Variants in HAAO observed in about 807,000 individuals in gnomAD.
HAAO encodes 3-hydroxyanthranilate oxygenase.
A neutral mutation model predicts 46.2 loss-of-function variants in HAAO; 49 were observed. The observed-to-expected ratio is 1.06, with a 90% CI of 0.84 to 1.34. The LOEUF (loss-of-function observed/expected upper bound fraction) is 1.34. Ranked by LOEUF, HAAO falls within the 40% of genes most tolerant of loss-of-function variation. HAAO has a pLI of 0.00. For missense variants in HAAO, 408 were observed against 364.5 expected (o/e 1.12, Z -0.97); for synonymous variants, 157 against 145.2 (o/e 1.08, Z -0.58).
In HAAO at chr2:42,770,595, A is replaced by G; in HGVS notation, c.351-13T>C. On this transcript the variant is annotated splice_polypyrimidine_tract_variant and intron_variant, in intron 4 of 9. Coordinates refer to ENST00000294973, the MANE Select transcript of HAAO (RefSeq NM_012205.3). ...GCCCACATAGTACCTGCCAGAGCAG[A>G]GGACAGGCAACCCTGCTGTCCCCAT... is the stretch of plus-strand genomic sequence containing the variant. The G allele has an allele frequency of 6.5e-7, 1 of 1,533,878 alleles. No individual in the cohort carries two copies. Among genetic ancestry groups the G allele is most frequent in the Non-Finnish European group, 8.8e-7 (1 of 1,133,776 alleles).
At chr2:42,767,720 C>T in intron 8 of HAAO, 43 bp from the exon 9 acceptor site, 1 of 1,551,340 alleles carries the variant, frequency 6.4e-7, no homozygotes, top group Non-Finnish European at 8.8e-7. Context: ...ACTGTTGGGC[C>T]TCATCACCTG....
At chr2:42,779,137 G>C (rs1469011905) in intron 4 of HAAO, among the ~76,000 whole-genome samples, 1 of 151,972 alleles carries the variant, frequency 6.6e-6, no homozygotes, top group Non-Finnish European at 1.5e-5. Flanking sequence ...AATAAGTTCA[G>C]TTTCTCTATA....
chr2:42,775,196 G>A (rs1007787581), intron 4 of HAAO, among the ~76,000 whole-genome samples: 6 of 142,326 alleles, frequency 4.2e-5, no homozygotes, highest in Non-Finnish European at 7.5e-5. Flanking sequence ...GCAGTGAGCC[G>A]AGATTGCACC....
intron 4 of HAAO, among the ~76,000 whole-genome samples, chr2:42,771,128 G>A (rs1671078385): frequency 6.6e-6 from 1 of 152,124 alleles, no homozygotes; most frequent in African/African-American, 2.4e-5. Flanking sequence ...TGTAATCCCA[G>A]CACTTTGGGA....
intron 4 of HAAO, among the ~76,000 whole-genome samples, chr2:42,773,092 C>T (rs192764667): frequency 4.6e-5 from 7 of 152,300 alleles, no homozygotes; most frequent in Non-Finnish European, 7.4e-5. Context: ...ATGCTGACAG[C>T]GGGGCCTATT....
Position 42,788,529 on chromosome 2 carries a change from C to G in HAAO, c.159G>C (p.Glu53Asp), listed in dbSNP as rs757695001. ...ATCCAGGGAGACCAGTCAAACCTAC[C>G]TCTTCACCCTCTTCGATGTGATAGT... is the stretch of plus-strand genomic sequence containing the variant. ...RKDYHIEEGE[E>D]VFYQLEGDMV... The change falls in exon 2 of 10, where the codon GAG becomes GAC. Residue 53 changes from glutamate (E) to aspartate (D), a missense_variant and splice_region_variant. By Grantham distance (45) the Glu-to-Asp change is conservative. Transcript: ENST00000294973. 2.5e-6 allele frequency: 4 copies of G among 1,593,506 alleles called. No homozygotes were observed. In the East Asian group the frequency reaches 8.9e-5, roughly 36 times the overall value.
intron 4 of HAAO, among the ~76,000 whole-genome samples, chr2:42,776,383 T>A (rs1421386171): frequency 6.6e-6 from 1 of 151,704 alleles, no homozygotes; most frequent in African/African-American, 2.4e-5. Context: ...AGATTACAGG[T>A]ATGTGCCACC....
chr2:42,786,356 T>A (rs1260728817), intron 2 of HAAO, among the ~76,000 whole-genome samples: 1 of 152,050 alleles, frequency 6.6e-6, no homozygotes, highest in Non-Finnish European at 1.5e-5. Flanking sequence ...GTAAATGATG[T>A]TTGGGAGCCT....
chr2:42,767,732 G>A (rs1670773042), intron 8 of HAAO, 55 bp from the exon 9 acceptor site: 2 of 1,546,016 alleles, frequency 1.3e-6, no homozygotes, highest in Non-Finnish European at 1.8e-6. Context: ...CATCACCTGG[G>A]TGAATGTCTG....
intron 4 of HAAO, among the ~76,000 whole-genome samples, chr2:42,771,749 A>C (rs982201259): frequency 5.9e-5 from 9 of 152,360 alleles, no homozygotes; most frequent in African/African-American, 2.2e-4. Flanking sequence ...TGAATGCCTA[A>C]TGCCCAAGCC....
At chr2:42,775,247 A>G (rs917789249) in intron 4 of HAAO, among the ~76,000 whole-genome samples, 19 of 88,118 alleles carry the variant, frequency 2.2e-4, no homozygotes, top group East Asian at 1.7e-3. Context: ...ACTGTCATGG[A>G]AAAAAAAAAA....
At chr2:42,784,063 C>T in intron 2 of HAAO, 196 bp from the exon 3 acceptor site, 1 of 598,904 alleles carries the variant, frequency 1.7e-6, no homozygotes, top group Non-Finnish European at 2.1e-6. Context: ...CACATGGGAT[C>T]ATGTCTTGGA....
rs1021500815 is a variant in HAAO at position 42,767,527 on chromosome 2, C to T, written c.783-12G>A. ...GCTCCCAGGCATACCTGTGGACACA[C>T]AGATGAGCAGGGATCACACAGAGTT... On this transcript the variant is annotated splice_polypyrimidine_tract_variant and intron_variant, in intron 9 of 9. Transcript: ENST00000294973. 6.2e-7 allele frequency: 1 copy of T among 1,608,132 alleles called. No individual in the cohort carries two copies. The highest frequency in any genetic ancestry group is 8.5e-7 in the Non-Finnish European group (1 of 1,176,850).
At chr2:42,792,411 G>C (rs957047324) in intron 1 of HAAO, 46 bp downstream of exon 1, 14 of 1,093,108 alleles carry the variant, frequency 1.3e-5, no homozygotes, top group Non-Finnish European at 1.7e-5. Context: ...ATGGAGGAGG[G>C]GGAGGAGGCG....
intron 1 of HAAO, among the ~76,000 whole-genome samples, chr2:42,789,525 C>T (rs1285570495): frequency 2.6e-5 from 4 of 152,038 alleles, no homozygotes; most frequent in African/African-American, 9.7e-5. Context: ...GCTGAGATTG[C>T]GCTACTGCAC....
intron 7 of HAAO, 31 bp downstream of exon 7, chr2:42,769,682 G>T (rs1365258928): frequency 6.4e-7 from 1 of 1,571,488 alleles, no homozygotes; most frequent in Non-Finnish European, 8.6e-7. Flanking sequence ...TGCTGTGGGA[G>T]GATGCCCCGG....
chr2:42,787,833 T>C (rs973256129), intron 2 of HAAO, among the ~76,000 whole-genome samples: 3 of 152,104 alleles, frequency 2.0e-5, no homozygotes, highest in Non-Finnish European at 4.4e-5. Flanking sequence ...GGACACACCT[T>C]TCTCTTTAAA....
intron 2 of HAAO, among the ~76,000 whole-genome samples, chr2:42,786,972 G>T (rs1161522927): frequency 1.3e-5 from 2 of 152,110 alleles, no homozygotes; most frequent in African/African-American, 4.8e-5. Context: ...GTGAGGATAG[G>T]CAGGGACAGA....
intron 4 of HAAO, among the ~76,000 whole-genome samples, chr2:42,779,348 G>C (rs1671820546): frequency 6.7e-6 from 1 of 149,888 alleles, no homozygotes; most frequent in South Asian, 2.1e-4. Context: ...TTTTGAGACA[G>C]AGTCTCACTG....
Sources: allele counts gnomAD v4.1 joint callset (sites outside exome capture counted in the v4.1 genomes callset), GRCh38; gene constraint gnomAD v4.1.1; transcripts MANE v1.5; gene names NCBI Gene and HGNC (gene_info 2026-07-23, HGNC 2026-07-21).